The following HMG20A variants were observed in gnomAD, a reference collection of about 807,000 sequenced individuals.
The protein encoded by HMG20A is high mobility group protein 20A.
In HMG20A, 17 loss-of-function variants were observed where a neutral mutation model predicts 43.9. That is an observed-to-expected ratio of 0.39 (90% CI 0.27 to 0.58). The LOEUF (loss-of-function observed/expected upper bound fraction) is 0.58, where lower values mean the gene tolerates loss of function less well. HMG20A is among the 20% of genes least tolerant of loss of function. The pLI is 0.59. For synonymous variants in HMG20A, 132 were observed against 147.5 expected (o/e 0.89, Z 0.76); for missense variants, 341 against 438.2 (o/e 0.78, Z 1.98).
the HMG20A span, among the ~76,000 whole-genome samples, chr15:77,508,611 C>T: frequency 6.6e-6 from 1 of 152,190 alleles, no homozygotes; most frequent in Non-Finnish European, 1.5e-5. Context: ...ACCTCTGAGA[C>T]CTTGTGCCCA....
chr15:77,516,103 A>G, the HMG20A span, among the ~76,000 whole-genome samples: 2 of 152,210 alleles, frequency 1.3e-5, no homozygotes, highest in Non-Finnish European at 2.9e-5. Context: ...TGGGCAAGGT[A>G]TAAATACTGC....
chr15:77,457,874 A>C (rs2072669147), intron 1 of HMG20A, among the ~76,000 whole-genome samples: 1 of 152,208 alleles, frequency 6.6e-6, no homozygotes, highest in South Asian at 2.1e-4. Flanking sequence ...TCTGGGACTG[A>C]GAACTGGTAA....
intron 6 of HMG20A, among the ~76,000 whole-genome samples, chr15:77,476,012 T>A (rs557870734): frequency 7.0e-4 from 107 of 152,304 alleles, no homozygotes; most frequent in African/African-American, 2.4e-3. Context: ...ATTACATAGC[T>A]TTTCAGTGTC....
At chr15:77,479,585 A>T in intron 9 of HMG20A, 1 of 300,390 alleles carries the variant, frequency 3.3e-6, no homozygotes, top group South Asian at 6.4e-5. Context: ...GTCTCTAAAA[A>T]TAAAAGAAAA....
chr15:77,478,979 A>G (rs551496695), intron 8 of HMG20A, among the ~76,000 whole-genome samples, 200 bp from the exon 9 acceptor site: 188 of 152,356 alleles, frequency 1.2e-3, no homozygotes, highest in South Asian at 4.1e-3. Flanking sequence ...CATATATACT[A>G]TACAGCAATT....
At chr15:77,471,932 C>T (rs1017078645) in intron 6 of HMG20A, 118 bp downstream of exon 6, 12 of 582,996 alleles carry the variant, frequency 2.1e-5, no homozygotes, top group Non-Finnish European at 3.2e-5. Flanking sequence ...TCTCGTAATT[C>T]AGATTAAATG....
the HMG20A span, among the ~76,000 whole-genome samples, chr15:77,497,239 C>T: frequency 1.3e-5 from 2 of 152,240 alleles, no homozygotes; most frequent in Non-Finnish European, 2.9e-5. Flanking sequence ...CCCCAGCCTC[C>T]CACAGCATCT....
At chr15:77,487,776 A>C (rs1229373230), downstream of HMG20A, among the ~76,000 whole-genome samples, 3 of 152,190 alleles carry the variant, frequency 2.0e-5, no homozygotes, top group African/African-American at 7.2e-5. Flanking sequence ...TGAGAGTTCC[A>C]AGTCAGGGGT....
rs1171435994 is a variant in HMG20A at position 77,484,814 on chromosome 15, A to T, written c.*1851A>T. 6.6e-6 allele frequency: 1 copy of T among 152,174 alleles called. No homozygotes were observed. Among genetic ancestry groups the T allele is most frequent in the Non-Finnish European group, 1.5e-5 (1 of 68,034 alleles). 9.4% of individuals were successfully genotyped at this position (152,174 alleles called of 1,614,324 possible). A position where few individuals can be genotyped will look rare whatever the true frequency, so the allele number is the denominator to read the frequency against. ...TCCTTGTCTGCAAAGCCCAAGCTAG[A>T]ACTCACTGTCTATGGCAGAAGGACA... On this transcript the variant is annotated 3_prime_UTR_variant, in exon 10 of 10. Transcript: ENST00000336216.
At chr15:77,479,145 A>G (rs1464293506) in intron 8 of HMG20A, 34 bp from the exon 9 acceptor site, 3 of 1,606,844 alleles carry the variant, frequency 1.9e-6, no homozygotes, top group African/African-American at 1.3e-5. Flanking sequence ...CTGAATAGGG[A>G]GGATTTTCTT....
intron 9 of HMG20A, among the ~76,000 whole-genome samples, chr15:77,481,681 AT>A (rs764569312): frequency 6.6e-6 from 1 of 152,158 alleles, no homozygotes; most frequent in Admixed American, 6.5e-5. Context: ...ACCTACAAAT[AT>A]TTTGCCCCTG....
At chr15:77,436,781 A>G (rs533039272) in intron 1 of HMG20A, among the ~76,000 whole-genome samples, 3 of 152,240 alleles carry the variant, frequency 2.0e-5, no homozygotes, top group South Asian at 2.1e-4. Context: ...TTACACATCT[A>G]TTCTTTACAC....
the HMG20A span, among the ~76,000 whole-genome samples, chr15:77,517,526 A>C: frequency 1.2e-3 from 184 of 150,954 alleles, 1 homozygote; most frequent in Middle Eastern, 3.4e-3. Flanking sequence ...TGCTGAATGG[A>C]TGCCGTGCTT....
At chr15:77,468,822 G>A (rs1305219972) in intron 4 of HMG20A, among the ~76,000 whole-genome samples, 1 of 152,164 alleles carries the variant, frequency 6.6e-6, no homozygotes, top group Non-Finnish European at 1.5e-5. Flanking sequence ...TATGTTGACT[G>A]AATGTCATTT....
chr15:77,516,954 C>G, the HMG20A span, among the ~76,000 whole-genome samples: 676 of 152,282 alleles, frequency 4.4e-3, 2 homozygotes, highest in African/African-American at 0.014. Flanking sequence ...GATAACCTGT[C>G]CCCATCGCCT....
the HMG20A span, among the ~76,000 whole-genome samples, chr15:77,501,904 C>A: frequency 3.9e-5 from 6 of 152,172 alleles, no homozygotes; most frequent in Non-Finnish European, 8.8e-5. Context: ...GGAGAAACAC[C>A]AGATGCCTTA....
chr15:77,435,819 C>CTT lies in HMG20A; in HGVS notation c.-5+14826_-5+14827dup, dbSNP rs35390385. Among the ~76,000 whole-genome samples the CTT allele has an allele frequency of 4.6e-3, 676 of 147,650 alleles. 5 individuals carry two copies. Among genetic ancestry groups the CTT allele is most frequent in the African/African-American group, 0.013 (539 of 40,270 alleles). On this transcript the variant is annotated intron_variant, in intron 1 of 9. Transcript: ENST00000336216. ...TAACCTCAGTAACATGTAGGTGCAT[C>CTT]TTTTTTTTTTTTCTTGAGATAGTCT... is the stretch of plus-strand genomic sequence containing the variant.
At chr15:77,453,043 C>T (rs1198558835) in intron 1 of HMG20A, among the ~76,000 whole-genome samples, 5 of 152,172 alleles carry the variant, frequency 3.3e-5, no homozygotes, top group Non-Finnish European at 2.9e-5. Context: ...GCATGGCCAA[C>T]ATGGCGAAAC....
chr15:77,437,915 A>G (rs12905890), intron 1 of HMG20A, among the ~76,000 whole-genome samples: 13,229 of 152,058 alleles, frequency 0.087, 653 homozygotes, highest in Non-Finnish European at 0.1. Flanking sequence ...AGAGTTCTCA[A>G]TAGCAGTCTT....
Sources: gnomAD v4.1 joint callset for allele counts (sites outside exome capture counted in the v4.1 genomes callset) on GRCh38, gnomAD v4.1.1 for gene constraint, MANE v1.5 for transcripts, NCBI Gene and HGNC (gene_info 2026-07-23, HGNC 2026-07-21) for gene names.